GC: variants seen among roughly 807,000 people sequenced by gnomAD.
The protein encoded by GC is vitamin D-binding protein.
A neutral mutation model predicts 56.7 loss-of-function variants in GC; 43 were observed. That is an observed-to-expected ratio of 0.76 (90% confidence interval 0.59 to 0.98). GC has a LOEUF of 0.98. GC is among the 50% of genes least tolerant of loss of function. The pLI is 0.00. For synonymous variants in GC, 216 were observed against 202.7 expected (o/e 1.07, Z -0.56); for missense variants, 529 against 545.9 (o/e 0.97, Z 0.31).
At chr4:71,793,869 C>A (rs1040669479) in intron 1 of GC, among the ~76,000 whole-genome samples, 4 of 152,022 alleles carry the variant, frequency 2.6e-5, no homozygotes, top group Non-Finnish European at 5.9e-5. Flanking sequence ...GCATGAAGGG[C>A]TGTTGAATTT....
chr4:71,797,452 C>T (rs952999088), intron 1 of GC, among the ~76,000 whole-genome samples: 64 of 152,368 alleles, frequency 4.2e-4, no homozygotes, highest in Admixed American at 3.3e-3. Flanking sequence ...CAGACTGCTG[C>T]GCTAGCAGTG....
chr4:71,762,094 G>A (rs1741998943), intron 6 of GC, among the ~76,000 whole-genome samples: 1 of 152,176 alleles, frequency 6.6e-6, no homozygotes, highest in African/African-American at 2.4e-5. Context: ...AGCCACAGAT[G>A]CTCAATGACA....
chr4:71,742,835 G>A (rs914255027), intron 12 of GC, among the ~76,000 whole-genome samples: 9 of 152,132 alleles, frequency 5.9e-5, no homozygotes, highest in South Asian at 2.1e-4. Flanking sequence ...TTAGCCAGGC[G>A]TGGTGGCGGG....
intron 1 of GC, among the ~76,000 whole-genome samples, chr4:71,802,014 A>G (rs932379683): frequency 6.6e-5 from 10 of 152,084 alleles, no homozygotes; most frequent in Non-Finnish European, 1.2e-4. Flanking sequence ...ATTTTGTGGA[A>G]GTGAACAAAA....
intron 4 of GC, among the ~76,000 whole-genome samples, 157 bp from the exon 5 acceptor site, chr4:71,764,093 T>G (rs1201789318): frequency 6.6e-6 from 1 of 152,184 alleles, no homozygotes; most frequent in African/African-American, 2.4e-5. Flanking sequence ...GCGATCCTCC[T>G]GCTTCAGCTT....
At chr4:71,783,417 T>A (rs1742748683) in intron 1 of GC, among the ~76,000 whole-genome samples, 1 of 151,766 alleles carries the variant, frequency 6.6e-6, no homozygotes, top group Admixed American at 6.6e-5. Flanking sequence ...ATCTTATTTG[T>A]GGTTATGTTT....
intron 7 of GC, among the ~76,000 whole-genome samples, chr4:71,757,611 A>ACG (rs1553947718): frequency 6.6e-6 from 1 of 151,576 alleles, no homozygotes; most frequent in Non-Finnish European, 1.5e-5. Context: ...AATGAAAATG[A>ACG]TCTGTATTTG....
chr4:71,790,307 G>A (rs1170038887), intron 1 of GC, among the ~76,000 whole-genome samples: 1 of 151,898 alleles, frequency 6.6e-6, no homozygotes, highest in Non-Finnish European at 1.5e-5. Flanking sequence ...TAATAATATA[G>A]CCATGACAAC....
chr4:71,787,594 C>T (rs755366042), upstream of GC, among the ~76,000 whole-genome samples: 4 of 151,784 alleles, frequency 2.6e-5, no homozygotes, highest in Non-Finnish European at 5.9e-5. Context: ...GACAAAATGA[C>T]AAGTGTGCTG....
chr4:71,756,567 C>A, intron 8 of GC, 145 bp downstream of exon 8: 1 of 613,642 alleles, frequency 1.6e-6, no homozygotes, highest in Non-Finnish European at 2.9e-6. Context: ...TTAACAAATA[C>A]TTAAAGTCCA....
chr4:71,787,507 T>C (rs565177824), upstream of GC, among the ~76,000 whole-genome samples: 2 of 151,978 alleles, frequency 1.3e-5, no homozygotes, highest in African/African-American at 4.8e-5. Flanking sequence ...AAGCTATTGG[T>C]ACTACCATAT....
upstream of GC, among the ~76,000 whole-genome samples, chr4:71,784,671 G>A (rs1742789742): frequency 1.3e-5 from 2 of 151,710 alleles, no homozygotes; most frequent in African/African-American, 4.8e-5. Flanking sequence ...ACTTTGTGAA[G>A]CACTGACATA....
chr4:71,782,695 A>G (rs1384609724), intron 1 of GC, among the ~76,000 whole-genome samples: 2 of 151,818 alleles, frequency 1.3e-5, no homozygotes, highest in Non-Finnish European at 2.9e-5. Flanking sequence ...TATGGCCTCC[A>G]TATATAATTC....
chr4:71,798,930 A>G (rs1286585115), intron 1 of GC, among the ~76,000 whole-genome samples: 1 of 152,214 alleles, frequency 6.6e-6, no homozygotes, highest in Non-Finnish European at 1.5e-5. Flanking sequence ...ACTGAGATAT[A>G]ATTTAAATAC....
chr4:71,801,486 G>T (rs1356216987), intron 1 of GC, among the ~76,000 whole-genome samples: 2 of 152,072 alleles, frequency 1.3e-5, no homozygotes, highest in Admixed American at 1.3e-4. Flanking sequence ...GTACACTGAG[G>T]TCAGGACATT....
At chr4:71,749,862 T>C (rs1741490982) in intron 11 of GC, among the ~76,000 whole-genome samples, 1 of 152,190 alleles carries the variant, frequency 6.6e-6, no homozygotes, top group Non-Finnish European at 1.5e-5. Context: ...CATCTGGAAT[T>C]CTGACTTTAT....
At position 71,754,506 on chromosome 4, in the gene GC, GC is replaced by G; in HGVS notation, c.1166del (p.Gly389AlafsTer4). On this transcript the variant is annotated frameshift_variant and splice_region_variant, in exon 10 of 13. Transcript: ENST00000273951. LOFTEE classifies it high-confidence loss of function. ...EDSTTCFNAK[G>X]PLLKKELSSF... The stretch of plus-strand genomic sequence containing the variant: ...AAGATAGTTCCTTCTTTAGTAGAGG[GC>G]CCTGTAAGAAAACAATAATTGCATA... The G allele has an allele frequency of 6.7e-7, 1 of 1,488,516 alleles. No homozygotes were observed. Among genetic ancestry groups the G allele is most frequent in the Non-Finnish European group, 9.4e-7 (1 of 1,069,248 alleles). 92.2% of individuals were successfully genotyped at this position (1,488,516 alleles called of 1,614,324 possible). A position where few individuals can be genotyped will look rare whatever the true frequency, so the allele number is the denominator to read the frequency against.
intron 6 of GC, among the ~76,000 whole-genome samples, chr4:71,762,712 G>A (rs994324850): frequency 2.6e-5 from 4 of 152,142 alleles, no homozygotes; most frequent in Admixed American, 6.5e-5. Context: ...AGTTTCATGA[G>A]ATCTGATCGT....
At chr4:71,773,375 G>A (rs2149303516) in intron 1 of GC, among the ~76,000 whole-genome samples, 1 of 152,060 alleles carries the variant, frequency 6.6e-6, no homozygotes, top group South Asian at 2.1e-4. Context: ...TTATTTTCAG[G>A]AAATCTTTGC....
Sources: allele counts gnomAD v4.1 joint callset (sites outside exome capture counted in the v4.1 genomes callset), GRCh38; gene constraint gnomAD v4.1.1; transcripts MANE v1.5; gene names NCBI Gene and HGNC (gene_info 2026-07-23, HGNC 2026-07-21).